ADCY2: variants seen among roughly 807,000 people sequenced by gnomAD.
The protein encoded by ADCY2 is adenylate cyclase type 2.
In ADCY2, 31 loss-of-function variants were observed where a neutral mutation model predicts 125.2. The ratio of observed to expected loss-of-function variants is 0.25; its 90% CI spans 0.19 to 0.33. ADCY2 has a LOEUF of 0.33. Ranked by LOEUF, ADCY2 falls within the 10% of genes least tolerant of loss-of-function variation. The pLI, the probability that ADCY2 is intolerant of heterozygous loss-of-function variation, is 1.00. For missense variants in ADCY2, 904 were observed against 1,418.2 expected (o/e 0.64, Z 5.82); for synonymous variants, 512 against 548.4 (o/e 0.93, Z 0.93).
At chr5:7,571,763 A>G (rs1203454200) in intron 3 of ADCY2, among the ~76,000 whole-genome samples, 1 of 151,918 alleles carries the variant, frequency 6.6e-6, no homozygotes, top group Non-Finnish European at 1.5e-5. Context: ...AGTACCTATT[A>G]TTTTTCCTGA....
Position 7,757,487 on chromosome 5 carries a change from T to C in ADCY2, c.1995T>C (p.Leu665=). ...SKKASPLLMW[L]LKSSGIIANR... is the part of the protein sequence containing the mutation. ...AAGCCTCTCCCCTGCTCATGTGGCT[T>C]TTGAAGTCCTCGGGCATCATTGCCA... Residue 665 remains leucine, a synonymous_variant, in exon 16 of 25, where the codon CTT becomes CTC. Coordinates refer to ENST00000338316, the MANE Select transcript of ADCY2 (RefSeq NM_020546.3). 6.2e-7 allele frequency: 1 copy of C among 1,614,108 alleles called. No homozygotes were observed. Among genetic ancestry groups the C allele is most frequent in the Non-Finnish European group, 8.5e-7 (1 of 1,180,008 alleles).
intron 4 of ADCY2, among the ~76,000 whole-genome samples, chr5:7,684,512 A>G (rs894837228): frequency 1.3e-5 from 2 of 152,370 alleles, no homozygotes; most frequent in South Asian, 2.1e-4. Flanking sequence ...CTGAAGGCAT[A>G]CTTTATAATT....
At chr5:7,702,472 T>A (rs915589037) in intron 7 of ADCY2, among the ~76,000 whole-genome samples, 1 of 151,264 alleles carries the variant, frequency 6.6e-6, no homozygotes, top group Non-Finnish European at 1.5e-5. Flanking sequence ...AGTGAGAACA[T>A]GTGGTGTTAG....
intron 2 of ADCY2, among the ~76,000 whole-genome samples, chr5:7,463,110 T>C (rs1561039484): frequency 6.6e-6 from 1 of 152,234 alleles, no homozygotes; most frequent in Non-Finnish European, 1.5e-5. Context: ...GTAGCAATAG[T>C]GTTTTCTTAA....
intron 3 of ADCY2, among the ~76,000 whole-genome samples, chr5:7,546,611 A>G (rs1735155502): frequency 6.6e-6 from 1 of 152,194 alleles, no homozygotes; most frequent in Admixed American, 6.5e-5. Context: ...AGAATATACC[A>G]TGAGGCTCCA....
At chr5:7,630,063 A>G in intron 4 of ADCY2, among the ~76,000 whole-genome samples, 1 of 152,182 alleles carries the variant, frequency 6.6e-6, no homozygotes, top group East Asian at 1.9e-4. Flanking sequence ...CATTCCTTTT[A>G]GTAAAAAATA....
chr5:7,442,881 A>C (rs1023410802), intron 2 of ADCY2, among the ~76,000 whole-genome samples: 2 of 152,200 alleles, frequency 1.3e-5, no homozygotes, highest in African/African-American at 4.8e-5. Flanking sequence ...AGGGCATCAC[A>C]TAAACTCTTG....
At chr5:7,747,809 C>G (rs1281897770) in intron 15 of ADCY2, among the ~76,000 whole-genome samples, 2 of 152,188 alleles carry the variant, frequency 1.3e-5, no homozygotes, top group Admixed American at 1.3e-4. Flanking sequence ...TTCACTGTAG[C>G]CCTATTTTGT....
chr5:7,489,031 G>C (rs1743052205), intron 2 of ADCY2, among the ~76,000 whole-genome samples: 2 of 152,136 alleles, frequency 1.3e-5, no homozygotes, highest in South Asian at 4.1e-4. Context: ...CTTCTCCCCA[G>C]TTTACCATTT....
chr5:7,438,387 G>A (rs1004376379), intron 2 of ADCY2, among the ~76,000 whole-genome samples: 9 of 152,208 alleles, frequency 5.9e-5, no homozygotes, highest in African/African-American at 1.4e-4. Context: ...AACATGCAAC[G>A]CATCAGTAAG....
intron 3 of ADCY2, among the ~76,000 whole-genome samples, chr5:7,612,128 C>T (rs1319064291): frequency 6.6e-6 from 1 of 151,978 alleles, no homozygotes; most frequent in African/African-American, 2.4e-5. Flanking sequence ...AGAACTGATT[C>T]TGAATTTCTC....
chr5:7,787,655 GATATAGATAA>G (rs1251016750), intron 19 of ADCY2, among the ~76,000 whole-genome samples: 1 of 149,758 alleles, frequency 6.7e-6, no homozygotes, highest in African/African-American at 2.4e-5. Flanking sequence ...TTGATAGATG[GATATAGATAA>G]ATAGAAAGGT....
chr5:7,709,678 G>T lies in ADCY2; in HGVS notation c.1578+291G>T, dbSNP rs191225141. 3.7e-3 allele frequency among the ~76,000 whole-genome samples: 567 copies of T among 152,262 alleles called. 3 individuals are homozygous for T. Among genetic ancestry groups the T allele is most frequent in the Non-Finnish European group, 4.3e-3 (293 of 68,022 alleles). The stretch of plus-strand genomic sequence containing the variant: ...AATACAACTATTTATTAATTGAGGG[G>T]TTTTTTAAGAAAAACTTCTATCATG... On this transcript the variant is annotated intron_variant, in intron 10 of 24. Coordinates refer to ENST00000338316, the MANE Select transcript of ADCY2 (RefSeq NM_020546.3). This position sits in a 1 kb window ranked among gnomAD's most constrained non-coding sequence, Gnocchi z 4.4.
chr5:7,610,413 G>A (rs547100157), intron 3 of ADCY2, among the ~76,000 whole-genome samples: 2 of 152,250 alleles, frequency 1.3e-5, no homozygotes, highest in East Asian at 3.9e-4. Flanking sequence ...TCAGGAGTGA[G>A]GTCAGGAGAG....
At chr5:7,547,522 T>G (rs1044439141) in intron 3 of ADCY2, among the ~76,000 whole-genome samples, 1 of 152,182 alleles carries the variant, frequency 6.6e-6, no homozygotes, top group Non-Finnish European at 1.5e-5. Flanking sequence ...ACCTGCCAGG[T>G]GCCCCTGGTT....
chr5:7,752,979 A>G (rs1250861107), intron 15 of ADCY2, among the ~76,000 whole-genome samples: 4 of 146,252 alleles, frequency 2.7e-5, no homozygotes, highest in African/African-American at 1.0e-4. Context: ...GCTCACTGCA[A>G]CCTCTGCCTC....
At chr5:7,714,878 C>A (rs981823716) in intron 11 of ADCY2, among the ~76,000 whole-genome samples, 7 of 152,342 alleles carry the variant, frequency 4.6e-5, no homozygotes, top group African/African-American at 1.7e-4. Flanking sequence ...CCTCCCCATG[C>A]CTGCTTAGAC....
chr5:7,754,346 T>A (rs1742919557), intron 15 of ADCY2, among the ~76,000 whole-genome samples: 1 of 152,198 alleles, frequency 6.6e-6, no homozygotes, highest in East Asian at 1.9e-4. Context: ...TAGCTAATAT[T>A]TTACCTAATT....
At chr5:7,631,023 T>G (rs374366629) in intron 4 of ADCY2, among the ~76,000 whole-genome samples, 2 of 152,154 alleles carry the variant, frequency 1.3e-5, no homozygotes, top group African/African-American at 4.8e-5. Context: ...ACTCCTGATC[T>G]CAAGCAATCC....
Sources: gnomAD v4.1 joint callset for allele counts (sites outside exome capture counted in the v4.1 genomes callset) on GRCh38, gnomAD v4.1.1 for gene constraint, Gnocchi (gnomAD v3.1) non-coding constraint, MANE v1.5 for transcripts, NCBI Gene and HGNC (gene_info 2026-07-23, HGNC 2026-07-21) for gene names.